The following C6orf89 variants were observed in gnomAD, a reference collection of about 807,000 sequenced individuals.
The protein encoded by C6orf89 is chromosome 6 open reading frame 89, also known as bombesin receptor-activated protein C6orf89.
A neutral mutation model predicts 40.7 loss-of-function variants in C6orf89; 29 were observed. That is an observed-to-expected ratio of 0.71 (90% CI 0.53 to 0.97). C6orf89 has a LOEUF of 0.97. Ranked by LOEUF, C6orf89 falls within the 50% of genes least tolerant of loss-of-function variation. C6orf89 has a pLI of 0.00. For synonymous variants in C6orf89, 165 were observed against 152.2 expected, an observed-to-expected ratio of 1.08 and a Z score of -0.62; for missense variants, 392 against 429.1, an observed-to-expected ratio of 0.91 and a Z score of 0.76.
exon 1 of C6orf89, chr6:36,871,930 A>AT: frequency 7.0e-7 from 1 of 1,430,364 alleles, no homozygotes; most frequent in Non-Finnish European, 9.3e-7. Context: ...AGACAGGAGT[A>AT]TTATGGAACT....
Position 36,924,248 on chromosome 6 carries a change from C to T in C6orf89, c.*807C>T, listed in dbSNP as rs1762610900. 2 of 153,116 alleles carry T rather than the reference C, an allele frequency of 1.3e-5. No individual in the cohort carries two copies. The highest frequency in any genetic ancestry group is 1.5e-5 in the Non-Finnish European group (1 of 68,708). The allele number at this position is 153,116 out of a possible 1,614,324, so 9.5% of individuals were successfully genotyped here. On this transcript the variant is annotated 3_prime_UTR_variant, in exon 9 of 9. Coordinates refer to ENST00000480824, the MANE Select transcript of C6orf89 (RefSeq NM_001286635.2). ...ACTACTGCTGAGGCAGCACTGCTCT[C>T]GTCAGCTGTGTTGCCTTTACCAAGT...
intron 1 of C6orf89, among the ~76,000 whole-genome samples, chr6:36,888,870 A>C (rs142406317): frequency 6.6e-6 from 1 of 152,254 alleles, no homozygotes; most frequent in East Asian, 1.9e-4. Context: ...ATAGTTTTTA[A>C]ATTTGGAGGA....
intron 4 of C6orf89, among the ~76,000 whole-genome samples, chr6:36,913,544 A>T (rs1048756392): frequency 2.6e-5 from 4 of 152,108 alleles, no homozygotes; most frequent in African/African-American, 9.7e-5. Flanking sequence ...GCACAGCGAT[A>T]ATAGGGGTCA....
chr6:36,920,735 T>C (rs1762482998), intron 8 of C6orf89, among the ~76,000 whole-genome samples: 1 of 152,222 alleles, frequency 6.6e-6, no homozygotes, highest in Non-Finnish European at 1.5e-5. Context: ...GATTCTTGTA[T>C]GGAAATCGTT....
At chr6:36,919,217 T>C (rs1027073176) in intron 7 of C6orf89, among the ~76,000 whole-genome samples, 5 of 152,366 alleles carry the variant, frequency 3.3e-5, no homozygotes, top group Non-Finnish European at 7.3e-5. Flanking sequence ...TTAGGTATTT[T>C]TCTTTGGCTT....
chr6:36,904,880 T>C (rs1761867820), intron 4 of C6orf89, among the ~76,000 whole-genome samples: 1 of 152,088 alleles, frequency 6.6e-6, no homozygotes, highest in Non-Finnish European at 1.5e-5. Context: ...CTTGGTGATG[T>C]ACAAGAGGCA....
chr6:36,909,572 A>C (rs1762047618), intron 4 of C6orf89, among the ~76,000 whole-genome samples: 1 of 152,070 alleles, frequency 6.6e-6, no homozygotes, highest in Admixed American at 6.6e-5. Context: ...CCCCATTAAA[A>C]ATTTTTTTAT....
chr6:36,877,870 T>C (rs1774701439), intron 1 of C6orf89, among the ~76,000 whole-genome samples: 1 of 29,808 alleles, frequency 3.4e-5, no homozygotes, highest in African/African-American at 1.5e-4. Context: ...CTTCTACCTA[T>C]TTTTCTATTT....
chr6:36,918,201 C>T (rs1762393762), intron 7 of C6orf89, among the ~76,000 whole-genome samples: 2 of 152,188 alleles, frequency 1.3e-5, no homozygotes, highest in Admixed American at 1.3e-4. Flanking sequence ...GTGAGGGCCT[C>T]CAAGGCCCAC....
chr6:36,909,782 C>CAAAA (rs34739520), intron 4 of C6orf89, among the ~76,000 whole-genome samples: 1 of 91,108 alleles, frequency 1.1e-5, no homozygotes, highest in African/African-American at 4.0e-5. Context: ...GAGCCTGTCT[C>CAAAA]AAAAAAAAAA....
intron 1 of C6orf89, among the ~76,000 whole-genome samples, chr6:36,873,810 C>G (rs55921347): frequency 0.013 from 2,030 of 152,196 alleles, 21 homozygotes; most frequent in Non-Finnish European, 0.019. Flanking sequence ...TGGCTGGTCC[C>G]TGGCTGTTGA....
At chr6:36,904,998 C>T (rs1761873349) in intron 4 of C6orf89, among the ~76,000 whole-genome samples, 1 of 152,158 alleles carries the variant, frequency 6.6e-6, no homozygotes, top group South Asian at 2.1e-4. Flanking sequence ...AATCCTGCCC[C>T]TAAATGCTCT....
chr6:36,902,542 G>A, intron 4 of C6orf89, 108 bp downstream of exon 4: 1 of 951,898 alleles, frequency 1.1e-6, no homozygotes, highest in East Asian at 2.6e-5. Context: ...TCCCTATATT[G>A]TATCTTTTAA....
At chr6:36,873,427 A>G (rs1774560302) in intron 1 of C6orf89, among the ~76,000 whole-genome samples, 2 of 152,362 alleles carry the variant, frequency 1.3e-5, no homozygotes, top group South Asian at 4.1e-4. Context: ...AAAAACATAC[A>G]TACAGTATGA....
intron 3 of C6orf89, among the ~76,000 whole-genome samples, chr6:36,900,959 G>T (rs1342731356): frequency 6.6e-6 from 1 of 151,922 alleles, no homozygotes; most frequent in African/African-American, 2.4e-5. Context: ...CAATTCTCCT[G>T]CCTCAGCCTC....
chr6:36,901,278 G>A lies in C6orf89; in HGVS notation c.190-943G>A, dbSNP rs144247246. 1.2e-3 allele frequency among the ~76,000 whole-genome samples: 173 copies of A among 145,818 alleles called. 1 individual carries two copies. Among genetic ancestry groups the A allele is most frequent in the East Asian group, 7.7e-3 (38 of 4,964 alleles). ...ATTACAGGTGTGAGCCACTGCGCCC[G>A]GCCCCTTTGTGTATTATTATTATTA... On this transcript the variant is annotated intron_variant, in intron 3 of 8. Transcript: ENST00000480824.
chr6:36,912,405 C>T (rs1175638447), intron 4 of C6orf89, among the ~76,000 whole-genome samples: 4 of 152,226 alleles, frequency 2.6e-5, no homozygotes, highest in African/African-American at 9.6e-5. Flanking sequence ...ATCGCAAGTA[C>T]TTTGGAAACC....
At chr6:36,915,586 A>G (rs550878903) in intron 6 of C6orf89, among the ~76,000 whole-genome samples, 8 of 152,050 alleles carry the variant, frequency 5.3e-5, no homozygotes, top group Non-Finnish European at 1.2e-4. Flanking sequence ...TACAAAAAAT[A>G]TCCAAGCTAC....
intron 1 of C6orf89, among the ~76,000 whole-genome samples, chr6:36,875,770 T>C (rs914249842): frequency 2.0e-4 from 30 of 152,390 alleles, no homozygotes; most frequent in Middle Eastern, 3.4e-3. Context: ...CTATTCCCAT[T>C]TTACTTTGAG....
Sources: allele counts gnomAD v4.1 joint callset (sites outside exome capture counted in the v4.1 genomes callset), GRCh38; gene constraint gnomAD v4.1.1; transcripts MANE v1.5; gene names NCBI Gene and HGNC (gene_info 2026-07-23, HGNC 2026-07-21).